KCNC4: variants seen among roughly 807,000 people sequenced by gnomAD.
KCNC4 encodes the protein potassium voltage-gated channel subfamily C member 4, also known as voltage-gated potassium channel KCNC4.
KCNC4 carries 23 observed loss-of-function variants against 42.8 expected under a neutral mutation model. The ratio of observed to expected loss-of-function variants is 0.54; its 90% confidence interval spans 0.39 to 0.76. KCNC4 has a LOEUF of 0.76. Ranked by LOEUF, KCNC4 falls within the 30% of genes least tolerant of loss-of-function variation. KCNC4 has a pLI of 0.00. For missense variants in KCNC4, 751 were observed against 898.2 expected (o/e 0.84, Z 2.10); for synonymous variants, 422 against 393.5 (o/e 1.07, Z -0.86).
rs943231501 is a variant in KCNC4 at position 110,210,909 on chromosome 1, C to T, written c.-591C>T. ...TGAATGGGGGGAAGAGGCCACATGC[C>T]GCCGCCGCCGCCTCGTGTTGACCGC... is the stretch of plus-strand genomic sequence containing the variant. On this transcript the variant is annotated 5_prime_UTR_variant, in exon 1 of 4. Transcript: ENST00000438661. 6.6e-6 allele frequency among the ~76,000 whole-genome samples: 1 copy of T among 152,250 alleles called. No homozygotes were observed. The highest frequency in any genetic ancestry group is 1.5e-5 in the Non-Finnish European group (1 of 68,004).
rs776865803 is a variant in KCNC4 at position 110,223,885 on chromosome 1, G to A, written c.1600G>A (p.Glu534Lys). Residue 534 changes from glutamate (E) to lysine (K), a missense_variant, in exon 2 of 4, where the codon GAG becomes AAG. Physicochemically the swap from Glu to Lys is moderately conservative, Grantham distance 56. Transcript: ENST00000438661. This position sits in a 1 kb window ranked among gnomAD's most constrained non-coding sequence, Gnocchi z 7.5. ...CCCTGCCCGGGAAGAGGGTATGATC[G>A]AGAGGAAACGGGCAGGTGAGATTAG... Reference protein sequence around the residue: ...SPPAREEGMIERKRADSKQNG... With the variant: ...SPPAREEGMIKRKRADSKQNG... 32 of 1,594,886 alleles carry A rather than the reference G, an allele frequency of 2.0e-5. No homozygotes were observed. Among genetic ancestry groups the A allele is most frequent in the African/African-American group, 9.4e-5 (7 of 74,556 alleles).
At chr1:110,267,702 G>A (rs1210133021) in intron 1 of KCNC4, among the ~76,000 whole-genome samples, 1 of 152,154 alleles carries the variant, frequency 6.6e-6, no homozygotes, top group Non-Finnish European at 1.5e-5. Context: ...ACCAGGAAGG[G>A]ACTGAAATCG....
downstream of KCNC4, among the ~76,000 whole-genome samples, chr1:110,249,282 GGCAGACAATTGCAA>G (rs933744503): frequency 1.0e-3 from 153 of 152,330 alleles, no homozygotes; most frequent in African/African-American, 3.5e-3. Flanking sequence ...CCTGCATCCT[GGCAGACAATTGCAA>G]GAATATGTCT....
intron 2 of KCNC4, chr1:110,225,259 A>C (rs1049556053): frequency 1.8e-4 from 28 of 152,390 alleles, no homozygotes; most frequent in African/African-American, 6.7e-4. Flanking sequence ...ATGCCTGGCC[A>C]ATGGCAGGGC....
chr1:110,265,804 G>T (rs1314242346), intron 1 of KCNC4, among the ~76,000 whole-genome samples: 1 of 152,084 alleles, frequency 6.6e-6, no homozygotes, highest in African/African-American at 2.4e-5. Flanking sequence ...TGGGCTGGTG[G>T]TGCTCCAGCC....
intron 3 of KCNC4, among the ~76,000 whole-genome samples, chr1:110,229,677 A>G (rs1376053119): frequency 6.6e-6 from 1 of 152,114 alleles, no homozygotes; most frequent in Non-Finnish European, 1.5e-5. Context: ...GGAGCACAAC[A>G]GGTTTGTGAG....
intron 3 of KCNC4, among the ~76,000 whole-genome samples, chr1:110,228,021 A>G (rs1658493982): frequency 6.6e-6 from 1 of 152,122 alleles, no homozygotes; most frequent in African/African-American, 2.4e-5. Context: ...TCGAGAGGGA[A>G]CAGGTGGGTT....
chr1:110,283,433 T>C (rs1284746009), downstream of KCNC4, among the ~76,000 whole-genome samples: 1 of 152,228 alleles, frequency 6.6e-6, no homozygotes, highest in African/African-American at 2.4e-5. Flanking sequence ...GATTGCTTAC[T>C]GAGTTCAGAA....
At chr1:110,266,335 G>A (rs868862540) in intron 1 of KCNC4, among the ~76,000 whole-genome samples, 1 of 152,190 alleles carries the variant, frequency 6.6e-6, no homozygotes, top group African/African-American at 2.4e-5. Context: ...GAGGAGGGGA[G>A]GGGCTGGAGT....
chr1:110,265,202 C>T (rs1309872496), intron 1 of KCNC4, among the ~76,000 whole-genome samples: 6 of 151,852 alleles, frequency 4.0e-5, no homozygotes, highest in Non-Finnish European at 8.8e-5. Context: ...TCCCTTCCCC[C>T]ACACTCTGAG....
At chr1:110,219,376 T>C (rs1657972379) in intron 1 of KCNC4, among the ~76,000 whole-genome samples, 1 of 152,198 alleles carries the variant, frequency 6.6e-6, no homozygotes, top group African/African-American at 2.4e-5. Flanking sequence ...GGGGTACTAG[T>C]ACTGTCCCCA....
intron 1 of KCNC4, among the ~76,000 whole-genome samples, chr1:110,271,244 T>C (rs1406900567): frequency 6.6e-6 from 1 of 152,056 alleles, no homozygotes; most frequent in Non-Finnish European, 1.5e-5. Context: ...TGAGCACTGA[T>C]GGTGTGGTTG....
At chr1:110,213,325 T>C (rs1657608586) in intron 1 of KCNC4, among the ~76,000 whole-genome samples, 1 of 152,014 alleles carries the variant, frequency 6.6e-6, no homozygotes, top group Non-Finnish European at 1.5e-5. Context: ...ATGTAACTTG[T>C]TGGGTCTGGG....
At chr1:110,279,047 G>A (rs1659775280) in intron 1 of KCNC4, among the ~76,000 whole-genome samples, 1 of 152,094 alleles carries the variant, frequency 6.6e-6, no homozygotes, top group South Asian at 2.1e-4. Flanking sequence ...CACCCACCAG[G>A]CTTGGATTCA....
At chr1:110,284,023 T>C (rs1659871147), downstream of KCNC4, among the ~76,000 whole-genome samples, 1 of 152,192 alleles carries the variant, frequency 6.6e-6, no homozygotes, top group South Asian at 2.1e-4. Context: ...GGGATATTAA[T>C]GATGATTTCA....
chr1:110,250,153 G>T (rs1659224836), downstream of KCNC4, among the ~76,000 whole-genome samples: 1 of 151,986 alleles, frequency 6.6e-6, no homozygotes, highest in Non-Finnish European at 1.5e-5. Context: ...CCCTTTCCCG[G>T]GCTCCCCCAC....
At chr1:110,230,844 T>C (rs1291801081) in intron 3 of KCNC4, among the ~76,000 whole-genome samples, 2 of 152,180 alleles carry the variant, frequency 1.3e-5, no homozygotes, top group African/African-American at 2.4e-5. Flanking sequence ...AGCCCAGGCA[T>C]TTGCAGAACC....
rs2100975901 is a variant in KCNC4 at position 110,211,690 on chromosome 1, G to A, written c.191G>A (p.Trp64Ter). The change falls in exon 1 of 4, where the codon TGG (tryptophan) becomes TAG (stop). Residue 64 changes from tryptophan (W) to a stop codon, truncating the protein, a stop_gained. Coordinates refer to ENST00000438661, the MANE Select transcript of KCNC4 (RefSeq NM_001039574.3). LOFTEE classifies it high-confidence loss of function. This position sits in a 1 kb window ranked among gnomAD's most constrained non-coding sequence, Gnocchi z 6.5. ...LRTLPGTRLAWLADPDGGGRP... is the reference protein window; with the variant it reads ...LRTLPGTRLA ...ACCCTACCGGGAACCCGCCTCGCCT[G>A]GCTGGCCGACCCCGACGGCGGGGGC... 1 of 1,611,160 alleles carries A rather than the reference G, an allele frequency of 6.2e-7. No homozygotes were observed. The highest frequency in any genetic ancestry group is 1.7e-5 in the Admixed American group (1 of 59,858).
At chr1:110,232,287 G>A in intron 3 of KCNC4, 4 of 1,613,754 alleles carry the variant, frequency 2.5e-6, no homozygotes, top group Non-Finnish European at 3.4e-6. Flanking sequence ...CCAACTGCTG[G>A]GACTCTGTTC....
Sources: gnomAD v4.1 joint callset for allele counts (sites outside exome capture counted in the v4.1 genomes callset) on GRCh38, gnomAD v4.1.1 for gene constraint, Gnocchi (gnomAD v3.1) non-coding constraint, MANE v1.5 for transcripts, NCBI Gene and HGNC (gene_info 2026-07-23, HGNC 2026-07-21) for gene names.